FRMPD2: variants seen among roughly 807,000 people sequenced by gnomAD.
FRMPD2 encodes FERM and PDZ domain-containing protein 2.
In FRMPD2, 96 loss-of-function variants were observed where a neutral mutation model predicts 140.1. The observed-to-expected ratio is 0.69, with a 90% confidence interval of 0.58 to 0.81. The LOEUF is 0.81. Ranked by LOEUF, FRMPD2 falls within the 40% of genes least tolerant of loss-of-function variation. The pLI is 0.00. For missense variants in FRMPD2, 1,240 were observed against 1,447.4 expected (o/e 0.86, Z 2.32); for synonymous variants, 449 against 547.6 (o/e 0.82, Z 2.52).
intron 4 of FRMPD2, among the ~76,000 whole-genome samples, chr10:48,242,873 T>C (rs1018855068): frequency 1.3e-5 from 2 of 152,236 alleles, no homozygotes; most frequent in Non-Finnish European, 2.9e-5. Context: ...TTGAACTTTA[T>C]GTCACGTGTA....
chr10:48,222,450 G>A lies in FRMPD2; in HGVS notation c.1318C>T (p.His440Tyr), dbSNP rs144515014. The change falls in exon 12 of 29, where the codon CAC (histidine) becomes TAC (tyrosine). Residue 440 changes from histidine (H) to tyrosine (Y), a missense_variant and splice_region_variant. Transcript: ENST00000374201. ...FFVSHYGLLQ[H>Y]SLTRHQFYLQ... ...TAAAACTGGTGCCTTGTCAGGCTGTGCCTGGAAAAGAAGTAGCAATAAAAA... is the reference window on the plus strand; with the variant it reads ...TAAAACTGGTGCCTTGTCAGGCTGTACCTGGAAAAGAAGTAGCAATAAAAA... 2.5e-6 allele frequency: 4 copies of A among 1,613,668 alleles called. No individual in the cohort carries two copies. In the African/African-American group the frequency reaches 4.0e-5, roughly 16 times the overall value.
intron 3 of FRMPD2, among the ~76,000 whole-genome samples, chr10:48,248,383 A>T (rs1359800858): frequency 1.3e-5 from 2 of 152,132 alleles, no homozygotes; most frequent in Non-Finnish European, 2.9e-5. Flanking sequence ...CACCGCAGAC[A>T]CTTTGGTGTA....
Position 48,241,869 on chromosome 10 carries a change from C to T in FRMPD2, c.567+292G>A, listed in dbSNP as rs146781947. ...TAAACATTATTGCTTTATGTAAGGA[C>T]GCACTTGCAAAGATGTCAAGGGTCT... On this transcript the variant is annotated intron_variant, in intron 5 of 28. Transcript: ENST00000374201. 4.7e-3 allele frequency among the ~76,000 whole-genome samples: 717 copies of T among 152,244 alleles called. 4 individuals are homozygous for T. Among genetic ancestry groups the T allele is most frequent in the African/African-American group, 0.015 (637 of 41,548 alleles).
chr10:48,182,015 A>T (rs921113621), intron 20 of FRMPD2, among the ~76,000 whole-genome samples: 8 of 151,892 alleles, frequency 5.3e-5, no homozygotes, highest in Non-Finnish European at 1.0e-4. Context: ...AATGAATAAC[A>T]GTTAGATTTT....
intron 1 of FRMPD2, among the ~76,000 whole-genome samples, chr10:48,269,892 G>A (rs1840738004): frequency 6.6e-6 from 1 of 152,152 alleles, no homozygotes; most frequent in African/African-American, 2.4e-5. Flanking sequence ...GTTTCAGGGA[G>A]AGGACTCTGG....
intron 1 of FRMPD2, among the ~76,000 whole-genome samples, chr10:48,268,655 G>C (rs951413425): frequency 6.6e-6 from 1 of 152,182 alleles, no homozygotes; most frequent in African/African-American, 2.4e-5. Context: ...AGTCTCAAAA[G>C]GTCACAGCTT....
intron 3 of FRMPD2, among the ~76,000 whole-genome samples, chr10:48,247,264 T>C (rs745622264): frequency 6.6e-6 from 1 of 152,138 alleles, no homozygotes; most frequent in Non-Finnish European, 1.5e-5. Flanking sequence ...CAACCTGCAA[T>C]CAGGAGGGTG....
At chr10:48,230,172 ATAAAG>A (rs1297778526) in intron 10 of FRMPD2, among the ~76,000 whole-genome samples, 5 of 152,212 alleles carry the variant, frequency 3.3e-5, no homozygotes, top group African/African-American at 1.2e-4. Context: ...CAACAATATA[ATAAAG>A]TATACTCTTG....
chr10:48,196,331 A>G (rs929179574), intron 15 of FRMPD2, among the ~76,000 whole-genome samples: 5 of 152,208 alleles, frequency 3.3e-5, no homozygotes, highest in Non-Finnish European at 5.9e-5. Flanking sequence ...TCAGCATGGA[A>G]GAAAATGACA....
chr10:48,253,564 G>A (rs1425195266), intron 1 of FRMPD2, among the ~76,000 whole-genome samples: 2 of 152,072 alleles, frequency 1.3e-5, no homozygotes, highest in African/African-American at 4.8e-5. Context: ...ATACTTGGAG[G>A]GGAGACTGTC....
At chr10:48,231,954 T>C (rs371747460) in intron 10 of FRMPD2, among the ~76,000 whole-genome samples, 161 bp downstream of exon 10, 6 of 152,356 alleles carry the variant, frequency 3.9e-5, no homozygotes, top group African/African-American at 1.2e-4. Context: ...GCTTTATCCA[T>C]GAGTACTTGA....
chr10:48,222,599 A>T, intron 11 of FRMPD2, 148 bp from the exon 12 acceptor site: 1 of 803,380 alleles, frequency 1.2e-6, no homozygotes, highest in Non-Finnish European at 2.0e-6. Flanking sequence ...CCAGCAAGAC[A>T]AGTGTGGTCT....
chr10:48,269,692 T>G (rs1840735118), intron 1 of FRMPD2, among the ~76,000 whole-genome samples: 1 of 152,216 alleles, frequency 6.6e-6, no homozygotes, highest in African/African-American at 2.4e-5. Context: ...AAAATTTTCC[T>G]CTAGAAGTGA....
At chr10:48,187,141 T>C in intron 17 of FRMPD2, 51 bp downstream of exon 17, 4 of 1,270,306 alleles carry the variant, frequency 3.1e-6, no homozygotes, top group Non-Finnish European at 4.5e-6. Flanking sequence ...AAAGCAAGCT[T>C]CCTGCGTAGG....
intron 4 of FRMPD2, 69 bp from the exon 5 acceptor site, chr10:48,242,421 C>A: frequency 7.0e-7 from 1 of 1,418,768 alleles, no homozygotes; most frequent in South Asian, 1.3e-5. Flanking sequence ...AGCACCTTGT[C>A]AGGCAGGCCT....
chr10:48,189,431 G>A (rs1237369623), intron 16 of FRMPD2, among the ~76,000 whole-genome samples: 3 of 152,234 alleles, frequency 2.0e-5, no homozygotes, highest in Admixed American at 6.5e-5. Flanking sequence ...CTGGCACCAC[G>A]TGCTGTGTAA....
chr10:48,233,640 T>C (rs141285594), intron 9 of FRMPD2, among the ~76,000 whole-genome samples: 2 of 152,208 alleles, frequency 1.3e-5, no homozygotes, highest in East Asian at 3.9e-4. Flanking sequence ...GAATGTGTGT[T>C]TTCTGAGTGA....
chr10:48,215,827 G>C (rs980412517), intron 12 of FRMPD2, among the ~76,000 whole-genome samples: 1 of 152,138 alleles, frequency 6.6e-6, no homozygotes, highest in East Asian at 1.9e-4. Context: ...TGTTGGTGCT[G>C]GTCCATTTTA....
chr10:48,257,961 A>G (rs536702718), intron 1 of FRMPD2, among the ~76,000 whole-genome samples: 1 of 152,354 alleles, frequency 6.6e-6, no homozygotes, highest in Non-Finnish European at 1.5e-5. Flanking sequence ...TCTGTCTGCC[A>G]GGGTTGAGGT....
Sources: gnomAD v4.1 joint callset for allele counts (sites outside exome capture counted in the v4.1 genomes callset) on GRCh38, gnomAD v4.1.1 for gene constraint, MANE v1.5 for transcripts, NCBI Gene and HGNC (gene_info 2026-07-23, HGNC 2026-07-21) for gene names.